Variants in EPHA5 observed in about 807,000 individuals in gnomAD.
EPHA5 encodes ephrin type-A receptor 5.
Under a neutral mutation model 105.0 loss-of-function variants are expected in EPHA5, and 60 were observed. The observed-to-expected ratio is 0.57, with a 90% CI of 0.46 to 0.71. The LOEUF (loss-of-function observed/expected upper bound fraction) is 0.71, where lower values mean the gene tolerates loss of function less well. Among genes scored for constraint, EPHA5 ranks in the 30% least tolerant of loss-of-function variants. EPHA5 has a pLI of 0.00. For synonymous variants in EPHA5, 513 were observed against 449.1 expected (o/e 1.14, Z -1.80); for missense variants, 1,218 against 1,274.7 (o/e 0.96, Z 0.68).
chr4:65,451,406 A>T (rs1727051827), intron 5 of EPHA5, among the ~76,000 whole-genome samples: 1 of 152,174 alleles, frequency 6.6e-6, no homozygotes, highest in Non-Finnish European at 1.5e-5. Context: ...ATACCAAAAT[A>T]AACACAGTCC....
In EPHA5 at chr4:65,565,924, TC is replaced by T. The variant is rs376808538; in HGVS notation, c.910+35716del. Among the ~76,000 whole-genome samples the T allele has an allele frequency of 1.0e-3, 155 of 151,814 alleles. 1 individual carries two copies. The highest frequency in any genetic ancestry group is 3.5e-3 in the African/African-American group (144 of 41,512). On this transcript the variant is annotated intron_variant, in intron 3 of 16. Coordinates refer to ENST00000613740, the MANE Select transcript of EPHA5 (RefSeq NM_001281766.3). ...GGAGACTATTTCTATCTCATTTTTTTCCTCCCTGTTGATCTTTTCTTCAAAT... is the reference window on the plus strand; with the variant it reads ...GGAGACTATTTCTATCTCATTTTTTTCTCCCTGTTGATCTTTTCTTCAAAT...
intron 3 of EPHA5, among the ~76,000 whole-genome samples, chr4:65,555,554 C>T (rs1397267599): frequency 2.3e-5 from 3 of 130,182 alleles, no homozygotes; most frequent in Non-Finnish European, 3.5e-5. Flanking sequence ...TAAAATTTTT[C>T]TAAAAAAAAA....
rs543772313 is a variant in EPHA5 at position 65,521,259 on chromosome 4, C to T, written c.911-25716G>A. On this transcript the variant is annotated intron_variant, in intron 3 of 16. Transcript: ENST00000613740. ...TGAAGCTGGAAACCATCATTCTCAG[C>T]AAACTATCACAGGGACAAAAAACCA... Among the ~76,000 whole-genome samples, 9 of 152,186 alleles carry T rather than the reference C, an allele frequency of 5.9e-5. No individual in the cohort carries two copies. The South Asian group carries it at 1.9e-3, about 32-fold the overall frequency.
chr4:65,403,373 T>G (rs377378145), intron 8 of EPHA5, among the ~76,000 whole-genome samples: 2 of 146,806 alleles, frequency 1.4e-5, no homozygotes, highest in African/African-American at 4.9e-5. Context: ...TCCTGTCTTT[T>G]TTTTTGGACC....
At chr4:65,435,864 G>A (rs1051437406) in intron 5 of EPHA5, among the ~76,000 whole-genome samples, 2 of 151,986 alleles carry the variant, frequency 1.3e-5, no homozygotes, top group African/African-American at 4.8e-5. Flanking sequence ...TCAATTATCT[G>A]ACTGCATATT....
At chr4:65,519,788 G>A (rs532053834) in intron 3 of EPHA5, among the ~76,000 whole-genome samples, 1 of 152,178 alleles carries the variant, frequency 6.6e-6, no homozygotes, top group Admixed American at 6.5e-5. Flanking sequence ...TTGCTTCAAA[G>A]AGAATAAAAT....
At chr4:65,660,609 CT>C (rs1749474679) in intron 1 of EPHA5, among the ~76,000 whole-genome samples, 1 of 152,024 alleles carries the variant, frequency 6.6e-6, no homozygotes, top group Admixed American at 6.6e-5. Context: ...TCACAGCAAC[CT>C]TTTGGATGTA....
intron 3 of EPHA5, among the ~76,000 whole-genome samples, chr4:65,518,890 G>C (rs1734382575): frequency 1.3e-5 from 2 of 152,060 alleles, no homozygotes; most frequent in Admixed American, 1.3e-4. Context: ...AGAGGTACGA[G>C]GAGGAGCTGG....
At chr4:65,666,149 T>C (rs777085722) in intron 1 of EPHA5, among the ~76,000 whole-genome samples, 5 of 152,238 alleles carry the variant, frequency 3.3e-5, no homozygotes, top group African/African-American at 1.2e-4. Context: ...AAGTTTATGA[T>C]AGTTTTTCAG....
At chr4:65,652,999 C>A (rs1748745583) in intron 1 of EPHA5, among the ~76,000 whole-genome samples, 1 of 151,980 alleles carries the variant, frequency 6.6e-6, no homozygotes, top group Admixed American at 6.6e-5. Context: ...CTAAAAACTA[C>A]TATATTAAAA....
At chr4:65,372,646 T>C (rs1450373686) in intron 8 of EPHA5, among the ~76,000 whole-genome samples, 3 of 151,896 alleles carry the variant, frequency 2.0e-5, no homozygotes, top group Admixed American at 6.6e-5. Flanking sequence ...ATGGGAATGA[T>C]GTAAGATTAT....
chr4:65,661,249 G>A (rs182864484), intron 1 of EPHA5, among the ~76,000 whole-genome samples: 276 of 152,064 alleles, frequency 1.8e-3, no homozygotes, highest in African/African-American at 6.3e-3. Context: ...TTTCTTAACT[G>A]TTTTTGTTTG....
chr4:65,659,478 T>G (rs1166663042), intron 1 of EPHA5, among the ~76,000 whole-genome samples: 4 of 151,856 alleles, frequency 2.6e-5, no homozygotes, highest in Non-Finnish European at 5.9e-5. Flanking sequence ...ACGAGTTAAA[T>G]TAGTGTGTAA....
chr4:65,471,171 C>A (rs1729249007), intron 5 of EPHA5, among the ~76,000 whole-genome samples: 1 of 152,142 alleles, frequency 6.6e-6, no homozygotes, highest in Non-Finnish European at 1.5e-5. Flanking sequence ...CAATTACACT[C>A]CTTTAAATTT....
chr4:65,585,897 A>C (rs1742074659), intron 3 of EPHA5, among the ~76,000 whole-genome samples: 1 of 151,774 alleles, frequency 6.6e-6, no homozygotes, highest in African/African-American at 2.4e-5. Context: ...ATAATATAAA[A>C]CTGGAAAAAA....
In EPHA5 at chr4:65,414,646, TG is replaced by T. The variant is rs1381301760; in HGVS notation, c.1528-204del. 2.6e-5 allele frequency among the ~76,000 whole-genome samples: 4 copies of T among 152,304 alleles called. No homozygotes were observed. In the East Asian group the frequency reaches 7.7e-4, roughly 29 times the overall value. On this transcript the variant is annotated intron_variant, in intron 6 of 16. Transcript: ENST00000613740. ...AAGTCTTTTCTAGAACTCAAGGTGG[TG>T]GGTGACATACTGTCCACCCATCCGG...
chr4:65,477,187 G>A (rs1232461825), intron 5 of EPHA5, among the ~76,000 whole-genome samples: 1 of 152,174 alleles, frequency 6.6e-6, no homozygotes, highest in African/African-American at 2.4e-5. Flanking sequence ...AGCAGAGAAA[G>A]CTTTTCTCAA....
At chr4:65,490,941 C>T (rs779122880) in intron 4 of EPHA5, among the ~76,000 whole-genome samples, 4 of 152,034 alleles carry the variant, frequency 2.6e-5, no homozygotes, top group Non-Finnish European at 5.9e-5. Context: ...AAAAGCAGAA[C>T]GTTTTGCTTC....
chr4:65,588,450 A>G (rs552573863), intron 3 of EPHA5, among the ~76,000 whole-genome samples: 3 of 152,252 alleles, frequency 2.0e-5, no homozygotes, highest in South Asian at 4.1e-4. Flanking sequence ...GATGAAAATA[A>G]CTATGATCTC....
Sources: gnomAD v4.1 joint callset for allele counts (sites outside exome capture counted in the v4.1 genomes callset) on GRCh38, gnomAD v4.1.1 for gene constraint, MANE v1.5 for transcripts, NCBI Gene and HGNC (gene_info 2026-07-23, HGNC 2026-07-21) for gene names.